Variants in PACSIN2 observed in about 807,000 individuals in gnomAD.
The protein encoded by PACSIN2 is protein kinase C and casein kinase substrate in neurons protein 2.
Under a neutral mutation model 63.8 loss-of-function variants are expected in PACSIN2, and 25 were observed. The observed-to-expected ratio is 0.39, with a 90% CI of 0.29 to 0.55. The LOEUF is 0.55. Ranked by LOEUF, PACSIN2 falls within the 20% of genes least tolerant of loss-of-function variation. The pLI is 0.62. For synonymous variants in PACSIN2, 255 were observed against 256.2 expected, an observed-to-expected ratio of 1.00 and a Z score of 0.05; for missense variants, 518 against 646.9, an observed-to-expected ratio of 0.80 and a Z score of 2.16.
chr22:42,870,552 CTTT>C lies in PACSIN2; in HGVS notation c.*802_*804del, dbSNP rs1244211597. 2 of 152,200 alleles carry C rather than the reference CTTT, an allele frequency of 1.3e-5. No individual in the cohort carries two copies. The highest frequency in any genetic ancestry group is 2.4e-5 in the African/African-American group (1 of 41,450). 9.4% of individuals were successfully genotyped at this position (152,200 alleles called of 1,614,324 possible). Reference sequence around the variant, plus strand: ...TGCATTTGCTTGAAAAGTTAGTCTTCTTTTTAACTCTGAATCAGTGATAAAATT... The same window carrying C: ...TGCATTTGCTTGAAAAGTTAGTCTTCTTAACTCTGAATCAGTGATAAAATT... On this transcript the variant is annotated 3_prime_UTR_variant, in exon 11 of 11. Transcript: ENST00000263246.
intron 1 of PACSIN2, among the ~76,000 whole-genome samples, chr22:42,965,059 C>A (rs1920941443): frequency 6.6e-6 from 1 of 152,214 alleles, no homozygotes. Context: ...CAAAACCCAA[C>A]TGTGTGTGGC....
intron 1 of PACSIN2, among the ~76,000 whole-genome samples, chr22:42,986,395 C>T (rs773248747): frequency 1.8e-4 from 28 of 152,124 alleles, no homozygotes; most frequent in African/African-American, 5.8e-4. Flanking sequence ...AGCATTCATC[C>T]GGCCAAACGA....
intron 1 of PACSIN2, chr22:42,993,846 C>T (rs1378125459): frequency 6.6e-6 from 1 of 151,918 alleles, no homozygotes; most frequent in African/African-American, 2.4e-5. Context: ...CCCTGCCCTC[C>T]CACAAGTCAA....
At chr22:42,965,187 C>A (rs979634259) in intron 1 of PACSIN2, among the ~76,000 whole-genome samples, 1 of 152,154 alleles carries the variant, frequency 6.6e-6, no homozygotes, top group Admixed American at 6.5e-5. Flanking sequence ...AAAATAGCAC[C>A]CACTGTGTGT....
At chr22:42,991,756 C>T (rs562694837) in intron 1 of PACSIN2, among the ~76,000 whole-genome samples, 1 of 151,874 alleles carries the variant, frequency 6.6e-6, no homozygotes, top group East Asian at 1.9e-4. Context: ...AAATTTTCCC[C>T]CAAAATTTTG....
At chr22:42,998,050 C>T (rs1001694959) in intron 1 of PACSIN2, among the ~76,000 whole-genome samples, 2 of 152,200 alleles carry the variant, frequency 1.3e-5, no homozygotes, top group African/African-American at 4.8e-5. Context: ...CAGCCCCAAA[C>T]ATATCCAAGG....
chr22:42,971,085 TAA>T (rs964394808), intron 1 of PACSIN2, among the ~76,000 whole-genome samples: 1 of 152,162 alleles, frequency 6.6e-6, no homozygotes, highest in African/African-American at 2.4e-5. Flanking sequence ...ACCACCATGA[TAA>T]AAATATTCTC....
chr22:42,962,929 G>A (rs1920928107), intron 1 of PACSIN2, among the ~76,000 whole-genome samples: 1 of 152,204 alleles, frequency 6.6e-6, no homozygotes, highest in South Asian at 2.1e-4. Context: ...GGCAGGAAAC[G>A]TGGACTATGG....
At chr22:43,014,859 A>G (rs988621850) in intron 1 of PACSIN2, among the ~76,000 whole-genome samples, 162 bp downstream of exon 1, 24 of 140,590 alleles carry the variant, frequency 1.7e-4, no homozygotes, top group African/African-American at 6.4e-4. Context: ...CCCCTCCCAC[A>G]GAGACAGGAA....
intron 1 of PACSIN2, among the ~76,000 whole-genome samples, chr22:42,970,487 G>C (rs1018385670): frequency 7.2e-5 from 11 of 152,144 alleles, no homozygotes; most frequent in African/African-American, 2.4e-4. Flanking sequence ...ATAAGCTATG[G>C]TTACATAAAA....
chr22:42,957,398 C>T (rs1933958912), intron 1 of PACSIN2, among the ~76,000 whole-genome samples: 1 of 149,636 alleles, frequency 6.7e-6, no homozygotes, highest in Non-Finnish European at 1.5e-5. Context: ...CAAATAAGCG[C>T]TATCCTGTGA....
intron 2 of PACSIN2, among the ~76,000 whole-genome samples, chr22:42,911,407 TAAA>T (rs75497964): frequency 3.6e-5 from 4 of 111,448 alleles, no homozygotes; most frequent in African/African-American, 3.4e-5. Context: ...CCTCAACTGT[TAAA>T]AAAAAAAAAA....
chr22:42,876,389 G>GC, intron 9 of PACSIN2, 56 bp from the exon 10 acceptor site: 1 of 1,494,240 alleles, frequency 6.7e-7, no homozygotes, highest in Non-Finnish European at 9.2e-7. Flanking sequence ...AGGGTGTGAG[G>GC]CCCCCGCCCC....
At chr22:42,996,080 C>T (rs578181668) in intron 1 of PACSIN2, among the ~76,000 whole-genome samples, 83 of 151,768 alleles carry the variant, frequency 5.5e-4, no homozygotes, top group South Asian at 5.2e-3. Flanking sequence ...ATTAGCTGGG[C>T]GTGGTGGTGG....
At chr22:42,988,895 T>G (rs888086930) in intron 1 of PACSIN2, among the ~76,000 whole-genome samples, 6 of 152,156 alleles carry the variant, frequency 3.9e-5, no homozygotes, top group Non-Finnish European at 7.3e-5. Flanking sequence ...AATTTTTTTT[T>G]TTGTTTTTGG....
chr22:42,919,806 GAAAGAA>G (rs377217576), intron 1 of PACSIN2, among the ~76,000 whole-genome samples: 5 of 128,254 alleles, frequency 3.9e-5, no homozygotes, highest in Non-Finnish European at 6.7e-5. Context: ...AAGAAAGAAA[GAAAGAA>G]AAAGAAAAAG....
chr22:42,906,104 C>T (rs1379145956), intron 2 of PACSIN2, among the ~76,000 whole-genome samples: 1 of 152,248 alleles, frequency 6.6e-6, no homozygotes, highest in African/African-American at 2.4e-5. Flanking sequence ...AAATGGCAGT[C>T]ACTTGTGGAA....
chr22:42,957,664 A>G (rs1208558675), intron 1 of PACSIN2, among the ~76,000 whole-genome samples: 1 of 152,172 alleles, frequency 6.6e-6, no homozygotes, highest in Non-Finnish European at 1.5e-5. Flanking sequence ...AGTCTTTCAT[A>G]TTCCAATACC....
chr22:42,897,471 C>A (rs1930370410), intron 2 of PACSIN2, among the ~76,000 whole-genome samples: 1 of 152,230 alleles, frequency 6.6e-6, no homozygotes, highest in South Asian at 2.1e-4. Flanking sequence ...TAGGTAGAAA[C>A]TGAATATAAG....
Sources: allele counts gnomAD v4.1 joint callset (sites outside exome capture counted in the v4.1 genomes callset), GRCh38; gene constraint gnomAD v4.1.1; transcripts MANE v1.5; gene names NCBI Gene and HGNC (gene_info 2026-07-23, HGNC 2026-07-21).